CHGA: variants seen among roughly 807,000 people sequenced by gnomAD.
CHGA encodes the protein chromogranin-A.
Under a neutral mutation model 54.4 loss-of-function variants are expected in CHGA, and 41 were observed. The observed-to-expected ratio is 0.75, with a 90% CI of 0.59 to 0.98. CHGA has a LOEUF of 0.98. CHGA is among the 50% of genes least tolerant of loss of function. The pLI, the probability that CHGA is intolerant of heterozygous loss-of-function variation, is 0.00. For synonymous variants in CHGA, 249 were observed against 232.8 expected, an observed-to-expected ratio of 1.07 and a Z score of -0.63; for missense variants, 576 against 582.3, an observed-to-expected ratio of 0.99 and a Z score of 0.11.
chr14:92,925,766 G>A (rs1398011134), intron 2 of CHGA, among the ~76,000 whole-genome samples: 1 of 152,132 alleles, frequency 6.6e-6, no homozygotes, highest in Non-Finnish European at 1.5e-5. Context: ...TCATTACCCT[G>A]GGAGAGCAGT....
Position 92,932,897 on chromosome 14 carries a change from C to A in CHGA, c.1290+46C>A. On this transcript the variant is annotated intron_variant, in intron 7 of 7. Coordinates refer to ENST00000216492, the MANE Select transcript of CHGA (RefSeq NM_001275.4). The surrounding 1 kb of genome is among the most constrained non-coding windows in gnomAD (Gnocchi z 5.3). Reference sequence around the variant, plus strand: ...AGCTCTGTGCCAGGCCACGGAGCAGCAGGGGGCAGCCGCACCCAGACACAC... The same window carrying A: ...AGCTCTGTGCCAGGCCACGGAGCAGAAGGGGGCAGCCGCACCCAGACACAC... 6.9e-7 allele frequency: 1 copy of A among 1,451,960 alleles called. No homozygotes were observed. Among genetic ancestry groups the A allele is most frequent in the East Asian group, 2.5e-5 (1 of 40,036 alleles). The allele number at this position is 1,451,960 out of a possible 1,614,324, so 89.9% of individuals were successfully genotyped here. A position where few individuals can be genotyped will look rare whatever the true frequency, so the allele number is the denominator to read the frequency against.
Position 92,934,904 on chromosome 14 carries a change from G to T in CHGA, c.*20G>T, listed in dbSNP as rs138998698. ...GGCTGAGACACCGGCTGGCAGGGCTGGCCCCAGGGCACCCTGTGGCCCTGG... is the reference window on the plus strand; with the variant it reads ...GGCTGAGACACCGGCTGGCAGGGCTTGCCCCAGGGCACCCTGTGGCCCTGG... On this transcript the variant is annotated 3_prime_UTR_variant, in exon 8 of 8. Coordinates refer to ENST00000216492, the MANE Select transcript of CHGA (RefSeq NM_001275.4). 12 of 1,542,676 alleles carry T rather than the reference G, an allele frequency of 7.8e-6. No individual in the cohort carries two copies. Among genetic ancestry groups the T allele is most frequent in the Non-Finnish European group, 1.0e-5 (12 of 1,145,118 alleles).
intron 4 of CHGA, among the ~76,000 whole-genome samples, chr14:92,928,859 T>C (rs1886939636): frequency 6.6e-6 from 1 of 152,230 alleles, no homozygotes. Context: ...ATCTTCTGTG[T>C]GCCTCTGTCT....
chr14:92,923,118 G>A (rs971950683), upstream of CHGA: 8 of 325,502 alleles, frequency 2.5e-5, no homozygotes, highest in African/African-American at 1.7e-4. Context: ...CGGGGTCGGG[G>A]TATATAAGCG....
chr14:92,927,109 T>G (rs1886901229), intron 3 of CHGA, among the ~76,000 whole-genome samples: 1 of 152,188 alleles, frequency 6.6e-6, no homozygotes, highest in African/African-American at 2.4e-5. Context: ...ACGAAATCTT[T>G]CCAGGCAACC....
rs769565027 is a variant in CHGA at position 92,931,296 on chromosome 14, G to C, written c.402G>C (p.Glu134Asp). Residue 134 changes from glutamate (E) to aspartate (D), a missense_variant, in exon 6 of 8, where the codon GAG becomes GAC. Physicochemically the swap from Glu to Asp is conservative, Grantham distance 45. Coordinates refer to ENST00000216492, the MANE Select transcript of CHGA (RefSeq NM_001275.4). ...CCAAGGATGTTATGGAGAAAAGAGA[G>C]GATTCCAAGGAGGCAGAGAAAAGTG... ...PSSKDVMEKR[E>D]DSKEAEKSGE... 3 of 1,613,662 alleles carry C rather than the reference G, an allele frequency of 1.9e-6. No homozygotes were observed. Among genetic ancestry groups the C allele is most frequent in the Non-Finnish European group, 2.5e-6 (3 of 1,179,918 alleles).
At position 92,923,364 on chromosome 14, in the gene CHGA, G is replaced by A. The variant is rs971618106; in HGVS notation, c.5G>A (p.Arg2His). 6 of 1,310,530 alleles carry A rather than the reference G, an allele frequency of 4.6e-6. No homozygotes were observed. The highest frequency in any genetic ancestry group is 7.5e-5 in the Admixed American group (2 of 26,512). The allele number at this position is 1,310,530 out of a possible 1,614,324, so 81.2% of individuals were successfully genotyped here. Residue 2 changes from arginine (R) to histidine (H), a missense_variant, in exon 1 of 8, where the codon CGC (arginine) becomes CAC (histidine). Arg to His is a conservative substitution (Grantham distance 29, BLOSUM62 0). Transcript: ENST00000216492. ...TGCTCGGCGCCCGGGTCCGCCATGC[G>A]CTCCGCCGCTGTCCTGGCTCTTCTG... Reference protein sequence around the residue: MRSAAVLALLLC... With the variant: MHSAAVLALLLC...
rs1400900823 is a variant in CHGA, at chr14:92,926,674, G to A, written c.163G>A (p.Glu55Lys). 6.2e-7 allele frequency: 1 copy of A among 1,614,058 alleles called. No individual in the cohort carries two copies. The highest frequency in any genetic ancestry group is 8.5e-7 in the Non-Finnish European group (1 of 1,180,024). Residue 55 changes from glutamate (E) to lysine (K), a missense_variant, in exon 3 of 8, where the codon GAA (glutamate) becomes AAA (lysine). By Grantham distance (56) the Glu-to-Lys change is moderately conservative. Coordinates refer to ENST00000216492, the MANE Select transcript of CHGA (RefSeq NM_001275.4). Reference protein sequence around the residue: ...SKPSPMPVSQECFETLRGDER... With the variant: ...SKPSPMPVSQKCFETLRGDER... Reference sequence around the variant, plus strand: ...GCCCAGCCCCATGCCTGTCAGCCAGGAATGTTTTGAGACACTCCGAGGAGG... The same window carrying A: ...GCCCAGCCCCATGCCTGTCAGCCAGAAATGTTTTGAGACACTCCGAGGAGG...
In CHGA at chr14:92,923,404, A is replaced by C; in HGVS notation, c.45A>C (p.Gln15His). 1 of 1,261,486 alleles carries C rather than the reference A, an allele frequency of 7.9e-7. No individual in the cohort carries two copies. The highest frequency in any genetic ancestry group is 1.0e-6 in the Non-Finnish European group (1 of 1,004,752). The allele number at this position is 1,261,486 out of a possible 1,614,324, so 78.1% of individuals were successfully genotyped here. A position where few individuals can be genotyped will look rare whatever the true frequency, so the allele number is the denominator to read the frequency against. The change falls in exon 1 of 8, where the codon CAA (glutamine) becomes CAC (histidine). Residue 15 changes from glutamine to histidine, a missense_variant and splice_region_variant. Gln to His is a conservative substitution (Grantham distance 24). Transcript: ENST00000216492. ...AVLALLLCAG[Q>H]VTALPVNSPM... ...TGGCTCTTCTGCTCTGCGCCGGGCA[A>C]GGTGAGCGAGCGCGGGGAGCTCGCG...
In CHGA at chr14:92,923,183, C is replaced by A; in HGVS notation, c.-177C>A. On this transcript the variant is annotated 5_prime_UTR_variant, in exon 1 of 8. Transcript: ENST00000216492. Reference sequence around the variant, plus strand: ...TCCTGCCACTGCAGTGCTCGAGCCCCGTGCAGGGGAGCTTGCGGGAGGATC... The same window carrying A: ...TCCTGCCACTGCAGTGCTCGAGCCCAGTGCAGGGGAGCTTGCGGGAGGATC... 1 of 436,446 alleles carries A rather than the reference C, an allele frequency of 2.3e-6. No homozygotes were observed. Among genetic ancestry groups the A allele is most frequent in the Non-Finnish European group, 3.7e-6 (1 of 273,488 alleles). 27.0% of individuals were successfully genotyped at this position (436,446 alleles called of 1,614,324 possible).
At position 92,923,363 on chromosome 14, in the gene CHGA, C is replaced by A; in HGVS notation, c.4C>A (p.Arg2Ser). The A allele has an allele frequency of 7.6e-7, 1 of 1,311,096 alleles. No individual in the cohort carries two copies. The highest frequency in any genetic ancestry group is 9.7e-7 in the Non-Finnish European group (1 of 1,034,486). 81.2% of individuals were successfully genotyped at this position (1,311,096 alleles called of 1,614,324 possible). A position where few individuals can be genotyped will look rare whatever the true frequency, so the allele number is the denominator to read the frequency against. ...CTGCTCGGCGCCCGGGTCCGCCATG[C>A]GCTCCGCCGCTGTCCTGGCTCTTCT... The part of the protein sequence containing the change: M[R>S]SAAVLALLLC... Residue 2 changes from arginine to serine, a missense_variant, in exon 1 of 8, where the codon CGC (arginine) becomes AGC (serine). By Grantham distance (110) the Arg-to-Ser change is moderately radical. Transcript: ENST00000216492.
intron 5 of CHGA, 149 bp from the exon 6 acceptor site, chr14:92,931,101 A>G: frequency 1.4e-6 from 1 of 712,170 alleles, no homozygotes; most frequent in African/African-American, 1.8e-5. Context: ...AAGCCTGGAC[A>G]TGGACAGAGG....
At position 92,925,604 on chromosome 14, in the gene CHGA, C is replaced by T. The variant is rs1566672696; in HGVS notation, c.94-1001C>T. On this transcript the variant is annotated intron_variant, in intron 2 of 7. Transcript: ENST00000216492. ...GGCATCCCGTAGACACAGCCTCCCA[C>T]CCCCTCACTCCCTGCCGGTGTTGCC... 2.0e-5 allele frequency among the ~76,000 whole-genome samples: 3 copies of T among 152,326 alleles called. No homozygotes were observed. In the East Asian group the frequency reaches 5.8e-4, roughly 29 times the overall value.
intron 1 of CHGA, among the ~76,000 whole-genome samples, chr14:92,923,753 A>C (rs1886833772): frequency 6.6e-6 from 1 of 151,424 alleles, no homozygotes; most frequent in Non-Finnish European, 1.5e-5. Flanking sequence ...GCAACCCTCC[A>C]CCCCTCTTCC....
Position 92,932,786 on chromosome 14 carries a change from C to G in CHGA, c.1225C>G (p.Leu409Val). ...REDSLEAGLP[L>V]QVRGYPEEKK... Reference sequence around the variant, plus strand: ...GGACAGCCTTGAGGCGGGCCTGCCCCTCCAGGTCCGAGGCTACCCCGAGGA... The same window carrying G: ...GGACAGCCTTGAGGCGGGCCTGCCCGTCCAGGTCCGAGGCTACCCCGAGGA... Residue 409 changes from leucine (L) to valine (V), a missense_variant, in exon 7 of 8, where the codon CTC becomes GTC. Coordinates refer to ENST00000216492, the MANE Select transcript of CHGA (RefSeq NM_001275.4). This position sits in a 1 kb window ranked among gnomAD's most constrained non-coding sequence, Gnocchi z 5.3. 6.3e-7 allele frequency: 1 copy of G among 1,581,152 alleles called. No homozygotes were observed. The highest frequency in any genetic ancestry group is 8.6e-7 in the Non-Finnish European group (1 of 1,162,756).
Position 92,932,270 on chromosome 14 carries a change from C to A in CHGA, c.809-100C>A, listed in dbSNP as rs1260796587. On this transcript the variant is annotated intron_variant, in intron 6 of 7. Transcript: ENST00000216492. This position sits in a 1 kb window ranked among gnomAD's most constrained non-coding sequence, Gnocchi z 5.3. ...GCTAAGCGTCATCACTGTGGAGAGGCTGGGCTGTGGCCGCAGCAGAGGCCC... is the reference window on the plus strand; with the variant it reads ...GCTAAGCGTCATCACTGTGGAGAGGATGGGCTGTGGCCGCAGCAGAGGCCC... The A allele has an allele frequency of 7.0e-7, 1 of 1,437,772 alleles. No individual in the cohort carries two copies. Among genetic ancestry groups the A allele is most frequent in the Non-Finnish European group, 9.2e-7 (1 of 1,086,640 alleles). 89.1% of individuals were successfully genotyped at this position (1,437,772 alleles called of 1,614,324 possible).
rs1256076860 is a variant in CHGA at position 92,931,679 on chromosome 14, A to G, written c.785A>G (p.Tyr262Cys). Residue 262 changes from tyrosine to cysteine, a missense_variant, in exon 6 of 8, where the codon TAC becomes TGC. By Grantham distance (194) the Tyr-to-Cys change is radical. Coordinates refer to ENST00000216492, the MANE Select transcript of CHGA (RefSeq NM_001275.4). ...CTGAACCCCCACCCGAGCCTTGGCT[A>G]CAAGGAGATCCGGAAAGGCGAGAGT... ...VVLNPHPSLG[Y>C]KEIRKGESRS... is the part of the protein sequence containing the mutation. 5 of 1,584,286 alleles carry G rather than the reference A, an allele frequency of 3.2e-6. No individual in the cohort carries two copies. Among genetic ancestry groups the G allele is most frequent in the Non-Finnish European group, 4.3e-6 (5 of 1,161,998 alleles).
At position 92,931,232 on chromosome 14, in the gene CHGA, G is replaced by C. The variant is rs756508466; in HGVS notation, c.356-18G>C. ...GGCCCAGTCCTCAGGGCCTGACTTGGCTGTGCTGTGTCTGCAGAGGCGGTG... is the reference window on the plus strand; with the variant it reads ...GGCCCAGTCCTCAGGGCCTGACTTGCCTGTGCTGTGTCTGCAGAGGCGGTG... On this transcript the variant is annotated intron_variant, in intron 5 of 7. Transcript: ENST00000216492. 27 of 1,595,430 alleles carry C rather than the reference G, an allele frequency of 1.7e-5. No homozygotes were observed. Among genetic ancestry groups the C allele is most frequent in the Non-Finnish European group, 2.1e-5 (24 of 1,167,742 alleles).
intron 3 of CHGA, 120 bp from the exon 4 acceptor site, chr14:92,927,430 C>A: frequency 1.3e-6 from 1 of 749,414 alleles, no homozygotes; most frequent in Non-Finnish European, 2.2e-6. Flanking sequence ...AATCTTGCTG[C>A]CACCACCCTG....
Sources: allele counts gnomAD v4.1 joint callset (sites outside exome capture counted in the v4.1 genomes callset), GRCh38; gene constraint gnomAD v4.1.1; non-coding constraint Gnocchi (gnomAD v3.1); transcripts MANE v1.5; gene names NCBI Gene and HGNC (gene_info 2026-07-23, HGNC 2026-07-21).